Variants in MEST observed in about 807,000 individuals in gnomAD.
The protein encoded by MEST is mesoderm-specific transcript homolog protein.
A neutral mutation model predicts 50.9 loss-of-function variants in MEST; 18 were observed. The ratio of observed to expected loss-of-function variants is 0.35; its 90% CI spans 0.24 to 0.52. The LOEUF is 0.52. Among genes scored for constraint, MEST ranks in the 20% least tolerant of loss-of-function variants. The pLI is 0.94. For missense variants in MEST, 282 were observed against 425.3 expected, an observed-to-expected ratio of 0.66 and a Z score of 2.96; for synonymous variants, 130 against 154.1, an observed-to-expected ratio of 0.84 and a Z score of 1.16.
intron 2 of MEST, 138 bp downstream of exon 2, chr7:130,495,660 C>A: frequency 1.1e-6 from 1 of 927,766 alleles, no homozygotes; most frequent in Non-Finnish European, 1.5e-6. Context: ...GTGTAGTGTG[C>A]TTGCAGAGAA....
chr7:130,488,585 G>C (rs1163476570), upstream of MEST: 1 of 152,170 alleles, frequency 6.6e-6, no homozygotes, highest in African/African-American at 2.4e-5. Context: ...TTAGCGTTCC[G>C]AGCTGCCGTA....
intron 2 of MEST, chr7:130,495,863 C>G (rs1554436821): frequency 3.5e-6 from 1 of 286,616 alleles, no homozygotes; most frequent in Non-Finnish European, 6.6e-6. Context: ...TCCTTACCAT[C>G]CCTGATTTCA....
chr7:130,498,941 C>G (rs1275270865), intron 6 of MEST: 1 of 160,552 alleles, frequency 6.2e-6, no homozygotes, highest in Admixed American at 6.2e-5. Context: ...GTAGAAAATC[C>G]TTACTTAATG....
In MEST at chr7:130,503,933, T is replaced by C; in HGVS notation, c.827T>C (p.Ile276Thr). ...VGALASVTIP[I>T]HFIYGPLDPV... ...ATTTCATTCCTTTTCTCTTTTCTAG[T>C]TCATTTTATCTATGGGCCATTGGAT... The change falls in exon 11 of 12, where the codon ATT (isoleucine) becomes ACT (threonine). Residue 276 changes from isoleucine (I) to threonine (T), a missense_variant and splice_region_variant. Transcript: ENST00000223215. 1.2e-6 allele frequency: 2 copies of C among 1,611,870 alleles called. No homozygotes were observed. The highest frequency in any genetic ancestry group is 1.7e-6 in the Non-Finnish European group (2 of 1,178,048).
In MEST at chr7:130,500,316, C is replaced by T. The variant is rs746713376; in HGVS notation, c.577-146C>T. 7.9e-6 allele frequency: 5 copies of T among 633,992 alleles called. No homozygotes were observed. The highest frequency in any genetic ancestry group is 2.8e-5 in the East Asian group (1 of 35,698). 39.3% of individuals were successfully genotyped at this position (633,992 alleles called of 1,614,324 possible). A position where few individuals can be genotyped will look rare whatever the true frequency, so the allele number is the denominator to read the frequency against. On this transcript the variant is annotated intron_variant, in intron 7 of 11. Coordinates refer to ENST00000223215, the MANE Select transcript of MEST (RefSeq NM_002402.4). The surrounding 1 kb of genome is among the most constrained non-coding windows in gnomAD (Gnocchi z 5.0). ...ATTTGTCTTCCTTGAGAGAAGAATG[C>T]GGGTAGGCAAAACAAAATGCCAAGT...
chr7:130,492,194 C>A lies in MEST; in HGVS notation c.-120C>A. On this transcript the variant is annotated 5_prime_UTR_variant, in exon 1 of 12. Coordinates refer to ENST00000223215, the MANE Select transcript of MEST (RefSeq NM_002402.4). This position sits in a 1 kb window ranked among gnomAD's most constrained non-coding sequence, Gnocchi z 7.6. ...CTGTAGCTGCCCGGCGCGGCGCCGC[C>A]CTGCGCGGGCTGTGGGCTGCGGGCT... is the stretch of plus-strand genomic sequence containing the variant. 7 of 839,924 alleles carry A rather than the reference C, an allele frequency of 8.3e-6. 1 individual carries two copies. Among genetic ancestry groups the A allele is most frequent in the Non-Finnish European group, 9.3e-6 (6 of 645,178 alleles). 52.0% of individuals were successfully genotyped at this position (839,924 alleles called of 1,614,324 possible).
upstream of MEST, chr7:130,490,961 CAG>C (rs1798784485): frequency 6.6e-6 from 1 of 152,226 alleles, no homozygotes; most frequent in African/African-American, 2.4e-5. Flanking sequence ...TTTCGGGGTG[CAG>C]AGTTGCAGAG....
intron 1 of MEST, chr7:130,493,372 A>G (rs1798908311): frequency 6.6e-6 from 1 of 152,098 alleles, no homozygotes; most frequent in Admixed American, 6.5e-5. Flanking sequence ...GAGTTTGCTT[A>G]TTGTCTCCGC....
chr7:130,500,359 CAGG>C lies in MEST; in HGVS notation c.577-100_577-98del, dbSNP rs1462393500. ...TGCCAAGTACCAAACCATTCAGTAG[CAGG>C]AGATTTGGCTAAAGATTTAGTTCCT... On this transcript the variant is annotated intron_variant, in intron 7 of 11. Coordinates refer to ENST00000223215, the MANE Select transcript of MEST (RefSeq NM_002402.4). This position sits in a 1 kb window ranked among gnomAD's most constrained non-coding sequence, Gnocchi z 5.0. 2.0e-5 allele frequency: 19 copies of C among 960,470 alleles called. No homozygotes were observed. Among genetic ancestry groups the C allele is most frequent in the Non-Finnish European group, 2.5e-5 (16 of 638,390 alleles). The allele number at this position is 960,470 out of a possible 1,614,324, so 59.5% of individuals were successfully genotyped here.
rs782719231 is a variant in MEST at position 130,500,460 on chromosome 7, A to C, written c.577-2A>C. The C allele has an allele frequency of 6.2e-7, 1 of 1,613,402 alleles. No individual in the cohort carries two copies. Among genetic ancestry groups the C allele is most frequent in the South Asian group, 1.1e-5 (1 of 90,866 alleles). On this transcript the variant is annotated splice_acceptor_variant, in intron 7 of 11. Coordinates refer to ENST00000223215, the MANE Select transcript of MEST (RefSeq NM_002402.4). LOFTEE classifies it high-confidence loss of function. This position sits in a 1 kb window ranked among gnomAD's most constrained non-coding sequence, Gnocchi z 5.0. ...GCTTTACCTCCACTTATTCCCCTCC[A>C]GCTACTCAAAGATGGAGGTGTGCTG...
rs1799219218 is a variant in MEST at position 130,500,111 on chromosome 7, C to T, written c.576+196C>T. 8.9e-6 allele frequency: 5 copies of T among 559,606 alleles called. No homozygotes were observed. The highest frequency in any genetic ancestry group is 1.2e-5 in the Non-Finnish European group (4 of 320,752). The allele number at this position is 559,606 out of a possible 1,614,324, so 34.7% of individuals were successfully genotyped here. A position where few individuals can be genotyped will look rare whatever the true frequency, so the allele number is the denominator to read the frequency against. ...AGTGGCCCCTACGTAAACCCAAAAC[C>T]AATCCTAAGAATAAGAGATCAACAA... On this transcript the variant is annotated intron_variant, in intron 7 of 11. Coordinates refer to ENST00000223215, the MANE Select transcript of MEST (RefSeq NM_002402.4). The surrounding 1 kb of genome is among the most constrained non-coding windows in gnomAD (Gnocchi z 5.0).
chr7:130,500,015 T>C lies in MEST; in HGVS notation c.576+100T>C, dbSNP rs1190794659. The C allele has an allele frequency of 9.3e-6, 9 of 967,290 alleles. No homozygotes were observed. The highest frequency in any genetic ancestry group is 1.3e-5 in the Non-Finnish European group (8 of 637,670). The allele number at this position is 967,290 out of a possible 1,614,324, so 59.9% of individuals were successfully genotyped here. ...CATAGCTCCTGTAACTGGCAGTAGT[T>C]AAATCCTCTTCCTTGTGAATTTCTA... On this transcript the variant is annotated intron_variant, in intron 7 of 11. Transcript: ENST00000223215. This position sits in a 1 kb window ranked among gnomAD's most constrained non-coding sequence, Gnocchi z 5.0.
intron 2 of MEST, chr7:130,495,732 T>C: frequency 2.2e-6 from 1 of 458,756 alleles, no homozygotes; most frequent in South Asian, 5.2e-5. Context: ...AGACCTTACC[T>C]TTTAGTATAA....
At position 130,500,377 on chromosome 7, in the gene MEST, A is replaced by C; in HGVS notation, c.577-85A>C. On this transcript the variant is annotated intron_variant, in intron 7 of 11. Coordinates refer to ENST00000223215, the MANE Select transcript of MEST (RefSeq NM_002402.4). This position sits in a 1 kb window ranked among gnomAD's most constrained non-coding sequence, Gnocchi z 5.0. The stretch of plus-strand genomic sequence containing the variant: ...TCAGTAGCAGGAGATTTGGCTAAAG[A>C]TTTAGTTCCTAGTATAAAACCTTTT... 1.7e-6 allele frequency: 2 copies of C among 1,185,908 alleles called. No individual in the cohort carries two copies. The highest frequency in any genetic ancestry group is 2.4e-6 in the Non-Finnish European group (2 of 830,376). The allele number at this position is 1,185,908 out of a possible 1,614,324, so 73.5% of individuals were successfully genotyped here.
chr7:130,491,609 G>C (rs921956389), upstream of MEST: 1 of 152,422 alleles, frequency 6.6e-6, no homozygotes, highest in African/African-American at 2.4e-5. This position sits in a 1 kb window ranked among gnomAD's most constrained non-coding sequence, Gnocchi z 6.8. Context: ...CAGTACCCAC[G>C]CTTCGAACGA....
chr7:130,503,914 T>C lies in MEST; in HGVS notation c.827-19T>C, dbSNP rs1554439155. ...GATGTGAGAGCTGTTAAGTATTTCA[T>C]TCCTTTTCTCTTTTCTAGTTCATTT... On this transcript the variant is annotated intron_variant, in intron 10 of 11. Coordinates refer to ENST00000223215, the MANE Select transcript of MEST (RefSeq NM_002402.4). 7 of 1,596,918 alleles carry C rather than the reference T, an allele frequency of 4.4e-6. No individual in the cohort carries two copies. The African/African-American group carries it at 6.7e-5, about 15-fold the overall frequency.
In MEST at chr7:130,497,723, A is replaced by G. The variant is rs952406963; in HGVS notation, c.262-213A>G. On this transcript the variant is annotated intron_variant, in intron 3 of 11. Coordinates refer to ENST00000223215, the MANE Select transcript of MEST (RefSeq NM_002402.4). This position sits in a 1 kb window ranked among gnomAD's most constrained non-coding sequence, Gnocchi z 4.0. ...ACTCCTTGGCACTCTGGAAGGGATC[A>G]CTGCCAAGTTACCCTCCCTCAACAG... 1.4e-5 allele frequency: 8 copies of G among 589,326 alleles called. No homozygotes were observed. Among genetic ancestry groups the G allele is most frequent in the African/African-American group, 3.7e-5 (2 of 53,642 alleles). 36.5% of individuals were successfully genotyped at this position (589,326 alleles called of 1,614,324 possible). A position where few individuals can be genotyped will look rare whatever the true frequency, so the allele number is the denominator to read the frequency against.
upstream of MEST, chr7:130,489,042 G>C (rs1310062251): frequency 6.6e-6 from 1 of 152,160 alleles, no homozygotes; most frequent in Non-Finnish European, 1.5e-5. Context: ...TGGCAGTCCC[G>C]GTTGTGTCTT....
chr7:130,494,801 G>A, intron 1 of MEST: 1 of 984,010 alleles, frequency 1.0e-6, no homozygotes, highest in Non-Finnish European at 1.2e-6. Flanking sequence ...GCTTCATTTA[G>A]GCAGGAGGGC....
Sources: gnomAD v4.1 joint callset for allele counts on GRCh38, gnomAD v4.1.1 for gene constraint, Gnocchi (gnomAD v3.1) non-coding constraint, MANE v1.5 for transcripts, NCBI Gene and HGNC (gene_info 2026-07-23, HGNC 2026-07-21) for gene names.